Variants in KCNH1 observed in about 807,000 individuals in gnomAD.
KCNH1 encodes the protein potassium voltage-gated channel subfamily H member 1.
Under a neutral mutation model 69.2 loss-of-function variants are expected in KCNH1, and 27 were observed. The ratio of observed to expected loss-of-function variants is 0.39; its 90% CI spans 0.29 to 0.54. KCNH1 has a LOEUF of 0.54. KCNH1 is among the 20% of genes least tolerant of loss of function. The probability of loss-of-function intolerance (pLI) is 0.68; values close to 1 mark genes in which losing one functional copy is unlikely to be tolerated. For synonymous variants in KCNH1, 456 were observed against 487.7 expected, an observed-to-expected ratio of 0.93 and a Z score of 0.86; for missense variants, 798 against 1,261.6, an observed-to-expected ratio of 0.63 and a Z score of 5.57.
In KCNH1 at chr1:210,922,098, C is replaced by T. The variant is rs1334318383; in HGVS notation, c.1033-2029G>A. ...TATTGCCCTTTAAAAAAAAAACTGA[C>T]GGGCCAGGCGCGGTGGCTCATGCCT... On this transcript the variant is annotated intron_variant, in intron 6 of 10. Transcript: ENST00000271751. 5.3e-5 allele frequency among the ~76,000 whole-genome samples: 8 copies of T among 151,632 alleles called. No homozygotes were observed. In the South Asian group the frequency reaches 1.2e-3, roughly 24 times the overall value.
At chr1:211,050,290 A>AAAAAAAAAAAAAAAAAAAAT (rs1690176928) in intron 5 of KCNH1, among the ~76,000 whole-genome samples, 2 of 145,384 alleles carry the variant, frequency 1.4e-5, no homozygotes, top group Admixed American at 6.9e-5. Context: ...AAAAAAAAAA[A>AAAAAAAAAAAAAAAAAAAAT]GGACAGCTTG....
At chr1:211,021,442 T>C (rs1433109167) in intron 5 of KCNH1, among the ~76,000 whole-genome samples, 1 of 152,126 alleles carries the variant, frequency 6.6e-6, no homozygotes, top group Non-Finnish European at 1.5e-5. Context: ...ACCACTGTTA[T>C]TCAACATAGC....
intron 5 of KCNH1, among the ~76,000 whole-genome samples, chr1:211,067,466 C>T (rs990570175): frequency 9.9e-5 from 15 of 152,260 alleles, no homozygotes; most frequent in Admixed American, 7.8e-4. Context: ...GGTGGCCTTC[C>T]TGTCAGGCTG....
chr1:210,831,964 C>T (rs1685169338), intron 7 of KCNH1, among the ~76,000 whole-genome samples: 1 of 125,554 alleles, frequency 8.0e-6, no homozygotes, highest in Non-Finnish European at 1.7e-5. Flanking sequence ...AACTGAGGAA[C>T]AATTTTTTTT....
chr1:211,065,409 G>A (rs572875046), intron 5 of KCNH1, among the ~76,000 whole-genome samples: 16 of 152,128 alleles, frequency 1.1e-4, no homozygotes, highest in Non-Finnish European at 2.4e-4. Context: ...GCATGATCTC[G>A]CTTGTATGTG....
chr1:210,810,341 C>G (rs745604912), intron 7 of KCNH1, among the ~76,000 whole-genome samples: 50 of 152,270 alleles, frequency 3.3e-4, no homozygotes, highest in Admixed American at 5.9e-4. Context: ...CTACAAGGTT[C>G]TGAAAATTCG....
intron 6 of KCNH1, among the ~76,000 whole-genome samples, chr1:210,931,702 G>A (rs1460567278): frequency 6.6e-6 from 1 of 151,602 alleles, no homozygotes; most frequent in Non-Finnish European, 1.5e-5. Flanking sequence ...TAAACTCAGC[G>A]AGATATAAAA....
intron 7 of KCNH1, among the ~76,000 whole-genome samples, chr1:210,873,263 T>C (rs554781439): frequency 2.0e-5 from 3 of 152,322 alleles, no homozygotes; most frequent in East Asian, 3.9e-4. Context: ...AAATGAGATA[T>C]TGGAAGGTGT....
chr1:210,714,140 AAG>A (rs913897556), intron 10 of KCNH1, among the ~76,000 whole-genome samples: 4 of 152,130 alleles, frequency 2.6e-5, no homozygotes, highest in African/African-American at 9.7e-5. Context: ...GGGTCACAGA[AAG>A]AGCTCTGGGC....
At chr1:210,794,588 G>C (rs753898872) in intron 9 of KCNH1, among the ~76,000 whole-genome samples, 8 of 152,158 alleles carry the variant, frequency 5.3e-5, no homozygotes. Flanking sequence ...GAAGGGGCTA[G>C]GAAGCTGTTT....
chr1:210,950,904 G>A (rs762131676), intron 6 of KCNH1, among the ~76,000 whole-genome samples: 10 of 152,178 alleles, frequency 6.6e-5, no homozygotes, highest in African/African-American at 2.4e-4. Flanking sequence ...TCAACACTAA[G>A]CAAAGCACAG....
chr1:210,846,038 C>A (rs899033922), intron 7 of KCNH1, among the ~76,000 whole-genome samples: 5 of 152,166 alleles, frequency 3.3e-5, no homozygotes, highest in African/African-American at 9.7e-5. Context: ...TGAAGGACCT[C>A]TTCAAGGAGA....
At chr1:210,687,239 G>A (rs1681426232) in intron 10 of KCNH1, among the ~76,000 whole-genome samples, 1 of 152,256 alleles carries the variant, frequency 6.6e-6, no homozygotes, top group African/African-American at 2.4e-5. Context: ...GGACATTTGG[G>A]AGGGGAAGTG....
intron 5 of KCNH1, among the ~76,000 whole-genome samples, chr1:211,028,556 T>A (rs1035462464): frequency 2.4e-4 from 37 of 151,306 alleles, no homozygotes; most frequent in African/African-American, 9.0e-4. Context: ...GTAGCAAGAC[T>A]GAAAATAAAA....
In KCNH1 at chr1:210,684,136, A is replaced by G. The variant is rs1176852335; in HGVS notation, c.2115T>C (p.Ile705=). The G allele has an allele frequency of 1.3e-6, 2 of 1,507,338 alleles. No homozygotes were observed. Among genetic ancestry groups the G allele is most frequent in the Non-Finnish European group, 1.8e-6 (2 of 1,128,650 alleles). The allele number at this position is 1,507,338 out of a possible 1,614,324, so 93.4% of individuals were successfully genotyped here. The change falls in exon 11 of 11, where the codon ATT becomes ATC. Residue 705 remains isoleucine, a splice_region_variant and synonymous_variant. Transcript: ENST00000271751. ...TCACATCGCTGATCTTCCGGAACAC[A>G]ATCTGGAGAGAGAGAGAGAGAGAAT... is the stretch of plus-strand genomic sequence containing the variant. ...LILTYNLRKR[I]VFRKISDVKR... is the part of the protein sequence containing the mutation.
intron 8 of KCNH1, among the ~76,000 whole-genome samples, chr1:210,798,323 G>C (rs746383832): frequency 6.6e-6 from 1 of 152,202 alleles, no homozygotes; most frequent in Non-Finnish European, 1.5e-5. Context: ...ACAGGCGTGA[G>C]CCACCACAAC....
intron 6 of KCNH1, among the ~76,000 whole-genome samples, chr1:211,005,108 T>G (rs1210508610): frequency 6.6e-6 from 1 of 152,022 alleles, no homozygotes; most frequent in Admixed American, 6.6e-5. Flanking sequence ...TCACTACATA[T>G]CTTACAGACA....
intron 10 of KCNH1, among the ~76,000 whole-genome samples, chr1:210,695,377 G>C (rs904158046): frequency 1.3e-5 from 2 of 152,222 alleles, no homozygotes; most frequent in Non-Finnish European, 2.9e-5. Flanking sequence ...ATTCACTTGA[G>C]TTCTTGGTAT....
chr1:210,751,960 T>TG (rs2149043140), intron 10 of KCNH1, among the ~76,000 whole-genome samples: 1 of 152,162 alleles, frequency 6.6e-6, no homozygotes, highest in South Asian at 2.1e-4. Flanking sequence ...TGAGGAAGGC[T>TG]GCAAGCAGAA....
Sources: allele counts gnomAD v4.1 joint callset (sites outside exome capture counted in the v4.1 genomes callset), GRCh38; gene constraint gnomAD v4.1.1; transcripts MANE v1.5; gene names NCBI Gene and HGNC (gene_info 2026-07-23, HGNC 2026-07-21).